DCUN1D5: variants seen among roughly 807,000 people sequenced by gnomAD.
DCUN1D5 encodes defective in cullin neddylation 1 domain containing 5.
Under a neutral mutation model 38.3 loss-of-function variants are expected in DCUN1D5, and 10 were observed. The observed-to-expected ratio is 0.26, with a 90% confidence interval of 0.16 to 0.44. The LOEUF is 0.44. Ranked by LOEUF, DCUN1D5 falls within the 20% of genes least tolerant of loss-of-function variation. DCUN1D5 has a pLI of 1.00. For missense variants in DCUN1D5, 148 were observed against 275.3 expected (o/e 0.54, Z 3.27); for synonymous variants, 93 against 90.9 (o/e 1.02, Z -0.13).
chr11:103,059,304 T>C lies in DCUN1D5; in HGVS notation c.*3055A>G, dbSNP rs538930356. On this transcript the variant is annotated 3_prime_UTR_variant, in exon 8 of 8. Transcript: ENST00000260247. ...AATCTGTGCTATTCCACATACCTTGTATGCCTTGAAAACTCTGGAGTTATC... is the reference window on the plus strand; with the variant it reads ...AATCTGTGCTATTCCACATACCTTGCATGCCTTGAAAACTCTGGAGTTATC... 1.7e-4 allele frequency among the ~76,000 whole-genome samples: 26 copies of C among 152,296 alleles called. No homozygotes were observed. Among genetic ancestry groups the C allele is most frequent in the Admixed American group, 1.2e-3 (18 of 15,296 alleles).
chr11:103,088,654 T>C (rs1027282399), intron 2 of DCUN1D5, among the ~76,000 whole-genome samples: 4 of 152,232 alleles, frequency 2.6e-5, no homozygotes, highest in African/African-American at 7.2e-5. Flanking sequence ...CTTCTGAATA[T>C]AGTATTTATC....
rs1458882855 is a variant in DCUN1D5 at position 103,062,512 on chromosome 11, C to A, written c.659-98G>T. 5 of 1,002,170 alleles carry A rather than the reference C, an allele frequency of 5.0e-6. No individual in the cohort carries two copies. Among genetic ancestry groups the A allele is most frequent in the African/African-American group, 3.3e-5 (2 of 61,208 alleles). 62.1% of individuals were successfully genotyped at this position (1,002,170 alleles called of 1,614,324 possible). ...GAGCTCTGCAATGACAGAGGAATGACCCTTCCTTTCTTTGGGTGTTCTGCT... is the reference window on the plus strand; with the variant it reads ...GAGCTCTGCAATGACAGAGGAATGAACCTTCCTTTCTTTGGGTGTTCTGCT... On this transcript the variant is annotated intron_variant, in intron 7 of 7. Coordinates refer to ENST00000260247, the MANE Select transcript of DCUN1D5 (RefSeq NM_032299.4). This position sits in a 1 kb window ranked among gnomAD's most constrained non-coding sequence, Gnocchi z 4.6.
Position 103,081,067 on chromosome 11 carries a change from ATGATGT to A in DCUN1D5, c.341+1675_341+1680del, listed in dbSNP as rs1412754142. 2.0e-5 allele frequency among the ~76,000 whole-genome samples: 3 copies of A among 152,164 alleles called. No homozygotes were observed. In the East Asian group the frequency reaches 5.8e-4, roughly 29 times the overall value. Reference sequence around the variant, plus strand: ...TTTCTATTCTTGTACGCAAGACCATATGATGTTGATTATTCAGAAGTATATATTAGA... The same window carrying A: ...TTTCTATTCTTGTACGCAAGACCATATGATTATTCAGAAGTATATATTAGA... On this transcript the variant is annotated intron_variant, in intron 4 of 7. Coordinates refer to ENST00000260247, the MANE Select transcript of DCUN1D5 (RefSeq NM_032299.4).
rs1250285467 is a variant in DCUN1D5, at chr11:103,062,507, A to T, written c.659-93T>A. 1.8e-5 allele frequency: 19 copies of T among 1,056,240 alleles called. No individual in the cohort carries two copies. The highest frequency in any genetic ancestry group is 2.7e-5 in the Non-Finnish European group (19 of 703,160). The allele number at this position is 1,056,240 out of a possible 1,614,324, so 65.4% of individuals were successfully genotyped here. Reference sequence around the variant, plus strand: ...CCCACGAGCTCTGCAATGACAGAGGAATGACCCTTCCTTTCTTTGGGTGTT... The same window carrying T: ...CCCACGAGCTCTGCAATGACAGAGGTATGACCCTTCCTTTCTTTGGGTGTT... On this transcript the variant is annotated intron_variant, in intron 7 of 7. Transcript: ENST00000260247. This position sits in a 1 kb window ranked among gnomAD's most constrained non-coding sequence, Gnocchi z 4.6.
Position 103,077,488 on chromosome 11 carries a change from G to A in DCUN1D5, c.341+5260C>T, listed in dbSNP as rs1479399829. The stretch of plus-strand genomic sequence containing the variant: ...ACCAAATAAAACCACACAGATTTGA[G>A]GGAACACTGGCACAATACAATACAC... On this transcript the variant is annotated intron_variant, in intron 4 of 7. Transcript: ENST00000260247. This position sits in a 1 kb window ranked among gnomAD's most constrained non-coding sequence, Gnocchi z 4.3. 6.6e-6 allele frequency among the ~76,000 whole-genome samples: 1 copy of A among 152,124 alleles called. No individual in the cohort carries two copies. Among genetic ancestry groups the A allele is most frequent in the Non-Finnish European group, 1.5e-5 (1 of 68,026 alleles).
rs894528249 is a variant in DCUN1D5 at position 103,071,894 on chromosome 11, A to T, written c.342-5327T>A. On this transcript the variant is annotated intron_variant, in intron 4 of 7. Transcript: ENST00000260247. This position sits in a 1 kb window ranked among gnomAD's most constrained non-coding sequence, Gnocchi z 4.1. ...AAAACATAAAAGATTAAGAAAATTT[A>T]AAATATTTAAAAAAAGAAAAATTTA... is the stretch of plus-strand genomic sequence containing the variant. Among the ~76,000 whole-genome samples the T allele has an allele frequency of 2.0e-5, 3 of 151,432 alleles. No individual in the cohort carries two copies. Among genetic ancestry groups the T allele is most frequent in the African/African-American group, 7.2e-5 (3 of 41,422 alleles).
In DCUN1D5 at chr11:103,064,634, A is replaced by G. The variant is rs1862090824; in HGVS notation, c.556-257T>C. 6.6e-6 allele frequency among the ~76,000 whole-genome samples: 1 copy of G among 152,098 alleles called. No individual in the cohort carries two copies. Among genetic ancestry groups the G allele is most frequent in the Non-Finnish European group, 1.5e-5 (1 of 68,016 alleles). On this transcript the variant is annotated intron_variant, in intron 6 of 7. Coordinates refer to ENST00000260247, the MANE Select transcript of DCUN1D5 (RefSeq NM_032299.4). The surrounding 1 kb of genome is among the most constrained non-coding windows in gnomAD (Gnocchi z 4.5). ...CAGTAAGGATAAAACTAACTTTTTC[A>G]TATGTATATACTTGTGTTACCACCA...
intron 4 of DCUN1D5, among the ~76,000 whole-genome samples, chr11:103,072,773 G>T (rs1389461633): frequency 5.1e-5 from 6 of 116,574 alleles, no homozygotes; most frequent in Admixed American, 4.6e-4. Flanking sequence ...GGTGGGGGGA[G>T]GGGGGAGGGA....
At chr11:103,089,088 A>G in intron 2 of DCUN1D5, 139 bp downstream of exon 2, 3 of 674,378 alleles carry the variant, frequency 4.4e-6, no homozygotes, top group Non-Finnish European at 6.5e-6. Flanking sequence ...TAGTCTACCC[A>G]CAATCTTCAG....
In DCUN1D5 at chr11:103,062,922, T is replaced by C. The variant is rs1290905992; in HGVS notation, c.659-508A>G. ...AAGTACTATTCTAAAACATATATTTTTATAACGTAGGGGAGGTCCAAACTC... is the reference window on the plus strand; with the variant it reads ...AAGTACTATTCTAAAACATATATTTCTATAACGTAGGGGAGGTCCAAACTC... On this transcript the variant is annotated intron_variant, in intron 7 of 7. Coordinates refer to ENST00000260247, the MANE Select transcript of DCUN1D5 (RefSeq NM_032299.4). The surrounding 1 kb of genome is among the most constrained non-coding windows in gnomAD (Gnocchi z 4.6). Among the ~76,000 whole-genome samples the C allele has an allele frequency of 1.3e-5, 2 of 152,124 alleles. No individual in the cohort carries two copies. Among genetic ancestry groups the C allele is most frequent in the African/African-American group, 2.4e-5 (1 of 41,454 alleles).
chr11:103,092,049 C>T lies in DCUN1D5; in HGVS notation c.-177G>A, dbSNP rs1862887769. On this transcript the variant is annotated 5_prime_UTR_variant, in exon 1 of 8. Coordinates refer to ENST00000260247, the MANE Select transcript of DCUN1D5 (RefSeq NM_032299.4). ...GCCGCCCGCTCCCAGGTATCCTCGT[C>T]GTCTTTCTCTGACCGGGACAGGGCT... The T allele has an allele frequency of 1.7e-6, 1 of 605,630 alleles. No individual in the cohort carries two copies. The highest frequency in any genetic ancestry group is 2.9e-6 in the Non-Finnish European group (1 of 344,838). The allele number at this position is 605,630 out of a possible 1,614,324, so 37.5% of individuals were successfully genotyped here.
Position 103,062,337 on chromosome 11 carries a change from C to G in DCUN1D5, c.*22G>C, listed in dbSNP as rs370339183. The stretch of plus-strand genomic sequence containing the variant: ...ATACACGTGGGAATTGAAAGGTTTG[C>G]ATTTTCTTCACATAGTTCTTGCTAT... On this transcript the variant is annotated 3_prime_UTR_variant, in exon 8 of 8. Coordinates refer to ENST00000260247, the MANE Select transcript of DCUN1D5 (RefSeq NM_032299.4). The surrounding 1 kb of genome is among the most constrained non-coding windows in gnomAD (Gnocchi z 4.6). 2.1e-4 allele frequency: 332 copies of G among 1,612,656 alleles called. No individual in the cohort carries two copies. The highest frequency in any genetic ancestry group is 2.5e-4 in the Non-Finnish European group (294 of 1,179,040).
chr11:103,077,553 G>T lies in DCUN1D5; in HGVS notation c.341+5195C>A, dbSNP rs1176284197. Among the ~76,000 whole-genome samples the T allele has an allele frequency of 6.6e-6, 1 of 152,088 alleles. No homozygotes were observed. The highest frequency in any genetic ancestry group is 1.9e-4 in the East Asian group (1 of 5,186). On this transcript the variant is annotated intron_variant, in intron 4 of 7. Coordinates refer to ENST00000260247, the MANE Select transcript of DCUN1D5 (RefSeq NM_032299.4). This position sits in a 1 kb window ranked among gnomAD's most constrained non-coding sequence, Gnocchi z 4.3. Reference sequence around the variant, plus strand: ...ACTGTAGTTAGAAAGAGAAGAAATGGGTATTAATTTCAACGTTAGGACTCG... The same window carrying T: ...ACTGTAGTTAGAAAGAGAAGAAATGTGTATTAATTTCAACGTTAGGACTCG...
chr11:103,062,293 C>T lies in DCUN1D5; in HGVS notation c.*66G>A, dbSNP rs1282824346. ...AATGCACCCGTTGGATTTTTTTCCC[C>T]CTCATCACATTAGCTTGTATACACG... On this transcript the variant is annotated 3_prime_UTR_variant, in exon 8 of 8. Transcript: ENST00000260247. This position sits in a 1 kb window ranked among gnomAD's most constrained non-coding sequence, Gnocchi z 4.6. 2 of 1,473,312 alleles carry T rather than the reference C, an allele frequency of 1.4e-6. No homozygotes were observed. Among genetic ancestry groups the T allele is most frequent in the Non-Finnish European group, 9.4e-7 (1 of 1,060,208 alleles). 91.3% of individuals were successfully genotyped at this position (1,473,312 alleles called of 1,614,324 possible).
chr11:103,074,404 A>C (rs1277685926), intron 4 of DCUN1D5, among the ~76,000 whole-genome samples: 1 of 151,644 alleles, frequency 6.6e-6, no homozygotes, highest in Admixed American at 6.6e-5. Context: ...TCATCTGCTG[A>C]GTGTTTGTTT....
Position 103,064,609 on chromosome 11 carries a change from CAGTA to C in DCUN1D5, c.556-236_556-233del, listed in dbSNP as rs1465503450. 6.6e-6 allele frequency among the ~76,000 whole-genome samples: 1 copy of C among 151,804 alleles called. No individual in the cohort carries two copies. Among genetic ancestry groups the C allele is most frequent in the Admixed American group, 6.6e-5 (1 of 15,260 alleles). ...GAATAATAAGAGCACTGAGTACTAA[CAGTA>C]AGGATAAAACTAACTTTTTCATATG... is the stretch of plus-strand genomic sequence containing the variant. On this transcript the variant is annotated intron_variant, in intron 6 of 7. Coordinates refer to ENST00000260247, the MANE Select transcript of DCUN1D5 (RefSeq NM_032299.4). The surrounding 1 kb of genome is among the most constrained non-coding windows in gnomAD (Gnocchi z 4.5).
At position 103,083,151 on chromosome 11, in the gene DCUN1D5, G is replaced by C; in HGVS notation, c.249+105C>G. 1 of 654,934 alleles carries C rather than the reference G, an allele frequency of 1.5e-6. No individual in the cohort carries two copies. The highest frequency in any genetic ancestry group is 2.8e-5 in the East Asian group (1 of 36,312). The allele number at this position is 654,934 out of a possible 1,614,324, so 40.6% of individuals were successfully genotyped here. A position where few individuals can be genotyped will look rare whatever the true frequency, so the allele number is the denominator to read the frequency against. ...AATGCAAATTTACAATATTAAACAT[G>C]AAGAAATAAAATCTTCATACAAGAT... On this transcript the variant is annotated intron_variant, in intron 3 of 7. Transcript: ENST00000260247. This position sits in a 1 kb window ranked among gnomAD's most constrained non-coding sequence, Gnocchi z 4.4.
At chr11:103,067,369 A>C (rs1862160087) in intron 4 of DCUN1D5, among the ~76,000 whole-genome samples, 1 of 152,136 alleles carries the variant, frequency 6.6e-6, no homozygotes, top group Non-Finnish European at 1.5e-5. Flanking sequence ...CCATGCTCTA[A>C]TTATATCACT....
chr11:103,078,407 A>G lies in DCUN1D5; in HGVS notation c.341+4341T>C, dbSNP rs189088548. The stretch of plus-strand genomic sequence containing the variant: ...AGAAATTCCATAACCTCCTGAGAGC[A>G]CATCAAATTTTTGTGTCTAGCAGTA... On this transcript the variant is annotated intron_variant, in intron 4 of 7. Coordinates refer to ENST00000260247, the MANE Select transcript of DCUN1D5 (RefSeq NM_032299.4). The surrounding 1 kb of genome is among the most constrained non-coding windows in gnomAD (Gnocchi z 4.6). Among the ~76,000 whole-genome samples the G allele has an allele frequency of 2.6e-5, 4 of 152,364 alleles. No individual in the cohort carries two copies. In the East Asian group the frequency reaches 5.8e-4, roughly 22 times the overall value.
Sources: gnomAD v4.1 joint callset for allele counts (sites outside exome capture counted in the v4.1 genomes callset) on GRCh38, gnomAD v4.1.1 for gene constraint, Gnocchi (gnomAD v3.1) non-coding constraint, MANE v1.5 for transcripts, NCBI Gene and HGNC (gene_info 2026-07-23, HGNC 2026-07-21) for gene names.